Variants in ZNF432 observed in about 807,000 individuals in gnomAD.
ZNF432 encodes zinc finger protein 432.
In ZNF432, 10 loss-of-function variants were observed where a neutral mutation model predicts 13.9. The observed-to-expected ratio is 0.72, with a 90% CI of 0.44 to 1.22. The LOEUF (loss-of-function observed/expected upper bound fraction) is 1.22. Ranked by LOEUF, ZNF432 falls within the 50% of genes most tolerant of loss-of-function variation. The pLI, the probability that ZNF432 is intolerant of heterozygous loss-of-function variation, is 0.00. For missense variants in ZNF432, 793 were observed against 796.2 expected, an observed-to-expected ratio of 1.00 and a Z score of 0.05; for synonymous variants, 247 against 256.2, an observed-to-expected ratio of 0.96 and a Z score of 0.34.
intron 1 of ZNF432, among the ~76,000 whole-genome samples, chr19:52,047,603 G>A (rs1306784867): frequency 6.6e-6 from 1 of 151,840 alleles, no homozygotes; most frequent in Non-Finnish European, 1.5e-5. Flanking sequence ...CTTGAACGCA[G>A]GAGGCGAAGT....
chr19:52,038,969 C>T (rs2087109357), intron 4 of ZNF432, among the ~76,000 whole-genome samples: 1 of 152,258 alleles, frequency 6.6e-6, no homozygotes, highest in East Asian at 1.9e-4. Context: ...AAAAACTGGA[C>T]ACTCTAGGTA....
chr19:52,044,258 G>T (rs1436537076), intron 2 of ZNF432, among the ~76,000 whole-genome samples: 1 of 151,796 alleles, frequency 6.6e-6, no homozygotes, highest in African/African-American at 2.4e-5. Flanking sequence ...AAAAAATGTA[G>T]GTTTCTACCT....
At chr19:52,045,049 T>C (rs897120602) in intron 2 of ZNF432, among the ~76,000 whole-genome samples, 4 of 152,260 alleles carry the variant, frequency 2.6e-5, no homozygotes, top group Non-Finnish European at 4.4e-5. Flanking sequence ...ATTTACAAAT[T>C]TGTGTTGGGC....
rs1568519719 is a variant in ZNF432 at position 52,034,408 on chromosome 19, GTAT to G, written c.1268_1270del (p.His423_Thr424delinsPro). The G allele has an allele frequency of 1.2e-6, 2 of 1,613,748 alleles. No homozygotes were observed. The highest frequency in any genetic ancestry group is 3.3e-5 in the Admixed American group (2 of 59,976). On this transcript the variant is annotated inframe_deletion, in exon 5 of 5. Coordinates refer to ENST00000221315, the MANE Select transcript of ZNF432 (RefSeq NM_014650.4). ...ACTACATAGATATGACTTCTCTACT[GTAT>G]GATTTCTCTGATGTACAATAAGATT...
In ZNF432 at chr19:52,034,082, G is replaced by A. The variant is rs374119708; in HGVS notation, c.1597C>T (p.Arg533Ter). The change falls in exon 5 of 5, where the codon CGA (arginine) becomes TGA (stop). Residue 533 changes from arginine (R) to a stop codon, truncating the protein, a stop_gained. Transcript: ENST00000221315. LOFTEE classifies it low-confidence loss of function (END_TRUNC). The part of the protein sequence containing the change: ...AFKSNLVVHQ[R>*]THTGEKPFMC... ...AAGGGTTTCTCTCCAGTATGAGTTC[G>A]CTGGTGTACAACAAGATTGCTCTTA... is the stretch of plus-strand genomic sequence containing the variant. 1.4e-5 allele frequency: 23 copies of A among 1,613,944 alleles called. No individual in the cohort carries two copies. Among genetic ancestry groups the A allele is most frequent in the Admixed American group, 3.3e-5 (2 of 59,990 alleles).
In ZNF432 at chr19:52,034,968, C is replaced by A; in HGVS notation, c.711G>T (p.Leu237Phe). Residue 237 changes from leucine to phenylalanine, a missense_variant, in exon 5 of 5, where the codon TTG becomes TTT. Coordinates refer to ENST00000221315, the MANE Select transcript of ZNF432 (RefSeq NM_014650.4). Reference protein sequence around the residue: ...HTGEKPYGCTLCAKVFSRKSR... With the variant: ...HTGEKPYGCTFCAKVFSRKSR... The stretch of plus-strand genomic sequence containing the variant: ...ACTTTCTGGAGAACACTTTTGCACA[C>A]AAAGTACATCCATAAGGTTTTTCTC... The A allele has an allele frequency of 6.2e-7, 1 of 1,612,908 alleles. No individual in the cohort carries two copies. Among genetic ancestry groups the A allele is most frequent in the Non-Finnish European group, 8.5e-7 (1 of 1,179,662 alleles).
rs1568517980 is a variant in ZNF432 at position 52,031,943 on chromosome 19, G to A, written c.*1777C>T. On this transcript the variant is annotated 3_prime_UTR_variant, in exon 5 of 5. Transcript: ENST00000221315. ...AACCTGGGAGGCGGGGTTGCAGTGAGCCAAGATCGTGCTATTACACTCCAA... is the reference window on the plus strand; with the variant it reads ...AACCTGGGAGGCGGGGTTGCAGTGAACCAAGATCGTGCTATTACACTCCAA... 6.6e-6 allele frequency: 1 copy of A among 152,210 alleles called. No individual in the cohort carries two copies. Among genetic ancestry groups the A allele is most frequent in the Non-Finnish European group, 1.5e-5 (1 of 68,050 alleles). The allele number at this position is 152,210 out of a possible 1,614,324, so 9.4% of individuals were successfully genotyped here. A position where few individuals can be genotyped will look rare whatever the true frequency, so the allele number is the denominator to read the frequency against.
chr19:52,048,161 ACACACACACACAC>A, intron 1 of ZNF432, among the ~76,000 whole-genome samples: 2 of 150,764 alleles, frequency 1.3e-5, no homozygotes, highest in African/African-American at 4.9e-5. Flanking sequence ...ACACACACAC[ACACACACACACAC>A]ACACACACAA....
intron 2 of ZNF432, among the ~76,000 whole-genome samples, chr19:52,044,425 C>T (rs565966537): frequency 6.6e-6 from 1 of 151,930 alleles, no homozygotes; most frequent in African/African-American, 2.4e-5. Flanking sequence ...TTAATTTCTA[C>T]ATTGAAAAAC....
At chr19:52,046,007 CAAA>C (rs201110474) in intron 2 of ZNF432, among the ~76,000 whole-genome samples, 4 of 87,052 alleles carry the variant, frequency 4.6e-5, no homozygotes, top group Non-Finnish European at 2.4e-5. Context: ...AAACAAAAAC[CAAA>C]AAAAAAAAAA....
At chr19:52,039,096 A>C (rs968175452) in intron 4 of ZNF432, among the ~76,000 whole-genome samples, 13 of 152,244 alleles carry the variant, frequency 8.5e-5, no homozygotes, top group Non-Finnish European at 1.9e-4. Flanking sequence ...CCTAGTTGTC[A>C]ATACTCTGTA....
At chr19:52,036,794 C>T (rs1422451777) in intron 4 of ZNF432, among the ~76,000 whole-genome samples, 1 of 152,142 alleles carries the variant, frequency 6.6e-6, no homozygotes, top group Non-Finnish European at 1.5e-5. Context: ...CCTCAGCCTC[C>T]TGAGTAGCCG....
At chr19:52,046,499 T>C (rs905793278) in intron 2 of ZNF432, among the ~76,000 whole-genome samples, 2 of 152,122 alleles carry the variant, frequency 1.3e-5, no homozygotes, top group South Asian at 2.1e-4. Context: ...CTGGGAAGAA[T>C]AGCAAATTTT....
intron 1 of ZNF432, among the ~76,000 whole-genome samples, chr19:52,048,182 C>CACACACACACACA (rs1482172095): frequency 6.8e-6 from 1 of 146,214 alleles, no homozygotes; most frequent in Non-Finnish European, 1.5e-5. Flanking sequence ...CACACACACA[C>CACACACACACACA]AAAACCAGCC....
rs994563195 is a variant in ZNF432, at chr19:52,035,408, G to A, written c.271C>T (p.His91Tyr). Reference protein sequence around the residue: ...NNEVDDHLQDHLENQRMLKSV... With the variant: ...NNEVDDHLQDYLENQRMLKSV... Reference sequence around the variant, plus strand: ...TTCAGCATCCTTTGATTTTCCAAGTGATCCTGCAGATGATCATCAACTTCG... The same window carrying A: ...TTCAGCATCCTTTGATTTTCCAAGTAATCCTGCAGATGATCATCAACTTCG... Residue 91 changes from histidine (H) to tyrosine (Y), a missense_variant, in exon 5 of 5, where the codon CAC becomes TAC. By Grantham distance (83) the His-to-Tyr change is moderately conservative. Transcript: ENST00000221315. 13 of 1,561,540 alleles carry A rather than the reference G, an allele frequency of 8.3e-6. No homozygotes were observed. The highest frequency in any genetic ancestry group is 1.1e-5 in the Non-Finnish European group (13 of 1,160,304).
At chr19:52,040,383 A>C in intron 4 of ZNF432, 105 bp downstream of exon 4, 2 of 991,142 alleles carry the variant, frequency 2.0e-6, no homozygotes, top group East Asian at 4.8e-5. Context: ...AGGGAAAACG[A>C]TTCCCATTCC....
chr19:52,041,967 CAT>C lies in ZNF432; in HGVS notation c.16-363_16-362del, dbSNP rs753145093. ...CTTCCCAGCTAATACTAGCATAAGA[CAT>C]AGAGAGACTTCAGATGCTAGAACCA... On this transcript the variant is annotated intron_variant, in intron 2 of 4. Transcript: ENST00000221315. Among the ~76,000 whole-genome samples, 14 of 152,206 alleles carry C rather than the reference CAT, an allele frequency of 9.2e-5. No homozygotes were observed. The East Asian group carries it at 2.3e-3, about 25-fold the overall frequency.
chr19:52,034,944 C>A lies in ZNF432; in HGVS notation c.735G>T (p.Lys245Asn). 6.2e-7 allele frequency: 1 copy of A among 1,612,568 alleles called. No homozygotes were observed. Among genetic ancestry groups the A allele is most frequent in the Non-Finnish European group, 8.5e-7 (1 of 1,179,470 alleles). The change falls in exon 5 of 5, where the codon AAG (lysine) becomes AAT (asparagine). Residue 245 changes from lysine to asparagine, a missense_variant. Coordinates refer to ENST00000221315, the MANE Select transcript of ZNF432 (RefSeq NM_014650.4). ...CTLCAKVFSR[K>N]SRLNEHQRIH... Reference sequence around the variant, plus strand: ...TTCTTTGATGTTCATTTAGCCTGGACTTTCTGGAGAACACTTTTGCACACA... The same window carrying A: ...TTCTTTGATGTTCATTTAGCCTGGAATTTCTGGAGAACACTTTTGCACACA...
intron 2 of ZNF432, among the ~76,000 whole-genome samples, chr19:52,042,319 C>T (rs569255215): frequency 6.6e-6 from 1 of 152,138 alleles, no homozygotes; most frequent in East Asian, 1.9e-4. Context: ...GAGGCTGAGG[C>T]AGGCGGATAG....
Sources: allele counts gnomAD v4.1 joint callset (sites outside exome capture counted in the v4.1 genomes callset), GRCh38; gene constraint gnomAD v4.1.1; transcripts MANE v1.5; gene names NCBI Gene and HGNC (gene_info 2026-07-23, HGNC 2026-07-21).